The following R3HDM2 variants were observed in gnomAD, a reference collection of about 807,000 sequenced individuals.
The protein encoded by R3HDM2 is R3H domain-containing protein 2.
In R3HDM2, 38 loss-of-function variants were observed where a neutral mutation model predicts 124.5. That is an observed-to-expected ratio of 0.31 (90% CI 0.24 to 0.40). The LOEUF is 0.40. R3HDM2 is among the 10% of genes least tolerant of loss of function. The pLI is 1.00. For synonymous variants in R3HDM2, 391 were observed against 448.0 expected, an observed-to-expected ratio of 0.87 and a Z score of 1.61; for missense variants, 869 against 1,236.9, an observed-to-expected ratio of 0.70 and a Z score of 4.46.
intron 2 of R3HDM2, among the ~76,000 whole-genome samples, chr12:57,365,935 CA>C (rs33933302): frequency 6.8e-6 from 1 of 146,652 alleles, no homozygotes; most frequent in African/African-American, 2.5e-5. Flanking sequence ...GACTCCATCT[CA>C]AAAAAAAAAA....
In R3HDM2 at chr12:57,269,603, TAGAA is replaced by T. The variant is rs1468224156; in HGVS notation, c.1587+145_1587+148del. ...CAGTAAAACAAGGATTTATGTTATA[TAGAA>T]AGAAGACTTTCTGGCTAGAACAACT... On this transcript the variant is annotated intron_variant, in intron 15 of 23. Transcript: ENST00000402412. The T allele has an allele frequency of 2.8e-6, 4 of 1,447,704 alleles. No homozygotes were observed. The African/African-American group carries it at 5.7e-5, about 21-fold the overall frequency. 89.7% of individuals were successfully genotyped at this position (1,447,704 alleles called of 1,614,324 possible).
intron 12 of R3HDM2, among the ~76,000 whole-genome samples, chr12:57,285,499 T>A (rs1053739985): frequency 1.3e-5 from 2 of 151,608 alleles, no homozygotes; most frequent in South Asian, 2.1e-4. Flanking sequence ...TTCTATGTAG[T>A]TAGTGAATTA....
chr12:57,289,764 T>C lies in R3HDM2; in HGVS notation c.907-724A>G, dbSNP rs550650943. On this transcript the variant is annotated intron_variant, in intron 11 of 23. Transcript: ENST00000402412. Reference sequence around the variant, plus strand: ...CCTATGCTGGGCAGCTTTTCCAATATACAGCTCAGGCTCCAGAGAAGGCTG... The same window carrying C: ...CCTATGCTGGGCAGCTTTTCCAATACACAGCTCAGGCTCCAGAGAAGGCTG... Among the ~76,000 whole-genome samples, 34 of 152,326 alleles carry C rather than the reference T, an allele frequency of 2.2e-4. No individual in the cohort carries two copies. In the East Asian group the frequency reaches 5.0e-3, roughly 22 times the overall value.
At chr12:57,291,672 A>T (rs1487579413) in intron 11 of R3HDM2, among the ~76,000 whole-genome samples, 1 of 151,900 alleles carries the variant, frequency 6.6e-6, no homozygotes, top group Non-Finnish European at 1.5e-5. Flanking sequence ...AAAACAAAAA[A>T]AAACAAAATA....
In R3HDM2 at chr12:57,284,021, C is replaced by T. The variant is rs915560829; in HGVS notation, c.974G>A (p.Ser325Asn). The T allele has an allele frequency of 2.5e-6, 4 of 1,612,052 alleles. No individual in the cohort carries two copies. Among genetic ancestry groups the T allele is most frequent in the Non-Finnish European group, 3.4e-6 (4 of 1,179,072 alleles). ...NREGLSRTSS[S>N]RQSSTDSELK... is the part of the protein sequence containing the mutation. ...TTCGCTGTCTGTGCTGCTCTGGCGG[C>T]TGCTTGAGGTGCGGCTCAGTCCTTC... Residue 325 changes from serine (S) to asparagine (N), a missense_variant, in exon 13 of 24, where the codon AGC becomes AAC. Physicochemically the swap from Ser to Asn is conservative, Grantham distance 46. Around this residue, in one of 2 missense-constraint regions of R3HDM2, gnomAD observed 267 missense variants for 447.7 expected, o/e 0.60. Coordinates refer to ENST00000402412, the MANE Select transcript of R3HDM2 (RefSeq NM_001394031.1).
chr12:57,410,662 G>A (rs2068927429), intron 1 of R3HDM2, among the ~76,000 whole-genome samples: 1 of 152,146 alleles, frequency 6.6e-6, no homozygotes, highest in Non-Finnish European at 1.5e-5. Flanking sequence ...AGACCAGCCT[G>A]GGCTACATGG....
At chr12:57,386,345 G>A (rs976087491) in intron 2 of R3HDM2, among the ~76,000 whole-genome samples, 1 of 152,254 alleles carries the variant, frequency 6.6e-6, no homozygotes, top group Admixed American at 6.5e-5. Context: ...GGCTGCCCAT[G>A]GCGCTTGCGG....
At chr12:57,264,425 A>G (rs1180299405) in intron 19 of R3HDM2, among the ~76,000 whole-genome samples, 5 of 147,336 alleles carry the variant, frequency 3.4e-5, no homozygotes, top group Non-Finnish European at 6.0e-5. Flanking sequence ...TACAAAAATT[A>G]GCCAGGCATG....
chr12:57,255,857 C>T, intron 23 of R3HDM2, 133 bp downstream of exon 23: 1 of 694,994 alleles, frequency 1.4e-6, no homozygotes. Flanking sequence ...CCAGTTTCTG[C>T]TTGCTTTTGA....
At chr12:57,392,590 TTCTC>T (rs776041490) in intron 2 of R3HDM2, among the ~76,000 whole-genome samples, 5 of 152,074 alleles carry the variant, frequency 3.3e-5, no homozygotes, top group Non-Finnish European at 7.4e-5. Flanking sequence ...GACAACAGAA[TTCTC>T]TCTCTTTTTT....
At chr12:57,396,615 G>GA (rs1333874996) in intron 1 of R3HDM2, among the ~76,000 whole-genome samples, 1 of 151,636 alleles carries the variant, frequency 6.6e-6, no homozygotes, top group Non-Finnish European at 1.5e-5. Context: ...CGTCTCTACT[G>GA]AAAAAACACA....
intron 2 of R3HDM2, among the ~76,000 whole-genome samples, chr12:57,363,121 C>G (rs977076178): frequency 6.6e-6 from 1 of 152,186 alleles, no homozygotes; most frequent in Non-Finnish European, 1.5e-5. Context: ...CTGCGCCCAG[C>G]CTGCATTATT....
At chr12:57,275,105 T>C (rs1464609914) in intron 14 of R3HDM2, among the ~76,000 whole-genome samples, 1 of 152,200 alleles carries the variant, frequency 6.6e-6, no homozygotes, top group Non-Finnish European at 1.5e-5. Context: ...AGCATGGTAC[T>C]GGTATAAAAA....
chr12:57,417,067 G>A (rs184004838), intron 1 of R3HDM2, among the ~76,000 whole-genome samples: 25 of 151,760 alleles, frequency 1.6e-4, no homozygotes, highest in Non-Finnish European at 3.2e-4. Context: ...GCAGTGAGCC[G>A]AGATCCCACC....
chr12:57,352,891 G>A (rs1344641337), intron 2 of R3HDM2, among the ~76,000 whole-genome samples: 1 of 152,056 alleles, frequency 6.6e-6, no homozygotes, highest in African/African-American at 2.4e-5. Context: ...GATTATATTA[G>A]AAGCATAATT....
In R3HDM2 at chr12:57,399,545, T is replaced by G. The variant is rs12322158; in HGVS notation, c.-105-3727A>C. ...AAAATGCCACCTCTTAGTTCCTATT[T>G]CTATCAAATTATCACAGGTTTAGGC... On this transcript the variant is annotated intron_variant, in intron 1 of 23. Coordinates refer to ENST00000402412, the MANE Select transcript of R3HDM2 (RefSeq NM_001394031.1). 8.3e-3 allele frequency among the ~76,000 whole-genome samples: 1,258 copies of G among 152,322 alleles called. 16 individuals are homozygous for G. Among genetic ancestry groups the G allele is most frequent in the African/African-American group, 0.028 (1,171 of 41,564 alleles).
chr12:57,390,461 G>C (rs1193304033), intron 2 of R3HDM2, among the ~76,000 whole-genome samples: 1 of 152,090 alleles, frequency 6.6e-6, no homozygotes, highest in African/African-American at 2.4e-5. Context: ...ACTTTGGGAG[G>C]CTGAGACAGG....
At chr12:57,373,205 A>G (rs2063582140) in intron 2 of R3HDM2, among the ~76,000 whole-genome samples, 1 of 152,188 alleles carries the variant, frequency 6.6e-6, no homozygotes, top group Admixed American at 6.5e-5. Flanking sequence ...CTGTCTCTAA[A>G]AACAGTAATA....
intron 2 of R3HDM2, chr12:57,341,379 AACGCACCG>A: frequency 1.0e-6 from 1 of 979,644 alleles, no homozygotes; most frequent in Non-Finnish European, 1.2e-6. Context: ...CAGAAGGAAG[AACGCACCG>A]CTTCAGATGG....
Sources: gnomAD v4.1 joint callset for allele counts (sites outside exome capture counted in the v4.1 genomes callset) on GRCh38, gnomAD v4.1.1 for gene constraint, gnomAD v4.1.1 regional missense constraint, MANE v1.5 for transcripts, NCBI Gene and HGNC (gene_info 2026-07-23, HGNC 2026-07-21) for gene names.